Variants in NREP observed in about 807,000 individuals in gnomAD.
The protein encoded by NREP is neuronal regeneration related protein, also known as neuronal regeneration-related protein.
NREP carries 5 observed loss-of-function variants against 8.6 expected under a neutral mutation model. The ratio of observed to expected loss-of-function variants is 0.58; its 90% confidence interval spans 0.30 to 1.22. The LOEUF (loss-of-function observed/expected upper bound fraction) is 1.22, where lower values mean the gene tolerates loss of function less well. Among genes scored for constraint, NREP ranks in the 50% most tolerant of loss-of-function variants. NREP has a pLI of 0.07. For synonymous variants in NREP, 27 were observed against 28.0 expected (o/e 0.96, Z 0.11); for missense variants, 86 against 82.5 (o/e 1.04, Z -0.17).
At chr5:111,893,944 G>A (rs542161638) in intron 2 of NREP, among the ~76,000 whole-genome samples, 20 of 152,088 alleles carry the variant, frequency 1.3e-4, no homozygotes, top group African/African-American at 3.6e-4. Context: ...CAGGCCGGGC[G>A]CAGTGGCTCA....
chr5:111,757,700 A>AGCGGACCCGCAGCTCTGCGCC, upstream of NREP: 1 of 984,256 alleles, frequency 1.0e-6, no homozygotes, highest in Non-Finnish European at 1.2e-6. Context: ...GGGGAGACAA[A>AGCGGACCCGCAGCTCTGCGCC]GCGGACCCGC....
chr5:111,809,277 A>G (rs1318224614), intron 2 of NREP, among the ~76,000 whole-genome samples: 1 of 152,178 alleles, frequency 6.6e-6, no homozygotes. Context: ...CTATGATTCT[A>G]CTTTCAGTCC....
intron 2 of NREP, among the ~76,000 whole-genome samples, chr5:111,869,691 G>C (rs950679036): frequency 2.0e-5 from 3 of 152,142 alleles, no homozygotes; most frequent in Non-Finnish European, 4.4e-5. Flanking sequence ...CAATGGATTT[G>C]CTTGGAAGGG....
chr5:111,784,997 C>A (rs540194749), intron 2 of NREP, among the ~76,000 whole-genome samples: 2 of 152,194 alleles, frequency 1.3e-5, no homozygotes, highest in Non-Finnish European at 2.9e-5. Context: ...GTGGTGCCAT[C>A]CTTAGGCCTG....
At chr5:111,816,248 A>G (rs775726465) in intron 2 of NREP, among the ~76,000 whole-genome samples, 4 of 152,204 alleles carry the variant, frequency 2.6e-5, no homozygotes, top group Admixed American at 1.3e-4. Context: ...CCCGCCTAGA[A>G]AGAAATACCA....
upstream of NREP, among the ~76,000 whole-genome samples, chr5:111,761,621 G>T (rs1009159291): frequency 6.6e-6 from 1 of 152,176 alleles, no homozygotes; most frequent in African/African-American, 2.4e-5. Context: ...TGAAGGAACA[G>T]ATCGCAGGAT....
chr5:111,890,103 G>A (rs1039742670), intron 2 of NREP, among the ~76,000 whole-genome samples: 1 of 152,138 alleles, frequency 6.6e-6, no homozygotes, highest in Non-Finnish European at 1.5e-5. Context: ...TCAGAGACCC[G>A]ACAGGTACAA....
chr5:111,872,139 G>A (rs1753805767), intron 2 of NREP, among the ~76,000 whole-genome samples: 1 of 152,046 alleles, frequency 6.6e-6, no homozygotes, highest in Admixed American at 6.6e-5. Context: ...GGGGCTGCAA[G>A]TCTCAAGATC....
At chr5:111,849,804 T>C in intron 2 of NREP, among the ~76,000 whole-genome samples, 1 of 152,224 alleles carries the variant, frequency 6.6e-6, no homozygotes, top group Non-Finnish European at 1.5e-5. Flanking sequence ...TCTAAACTGA[T>C]ATGATACATA....
intron 2 of NREP, among the ~76,000 whole-genome samples, chr5:111,876,879 GC>G (rs1753922995): frequency 6.6e-6 from 1 of 152,100 alleles, no homozygotes; most frequent in African/African-American, 2.4e-5. Context: ...AGAAATTGGG[GC>G]ACAGAAAAGT....
chr5:111,780,033 G>A (rs544337593), intron 2 of NREP, among the ~76,000 whole-genome samples: 4 of 152,316 alleles, frequency 2.6e-5, no homozygotes, highest in East Asian at 3.9e-4. Flanking sequence ...TCCAATGCAC[G>A]CTAGTGCAAT....
chr5:111,852,577 T>G (rs1753336912), intron 2 of NREP, among the ~76,000 whole-genome samples: 1 of 152,068 alleles, frequency 6.6e-6, no homozygotes, highest in South Asian at 2.1e-4. Flanking sequence ...GCTATTGAGG[T>G]TGTATTTAAA....
chr5:111,856,769 G>T (rs1297548560), intron 2 of NREP, among the ~76,000 whole-genome samples: 1 of 150,736 alleles, frequency 6.6e-6, no homozygotes, highest in East Asian at 2.0e-4. Flanking sequence ...CGACTGGTTT[G>T]ATGACTTGCT....
At chr5:111,917,087 C>A (rs1037344269) in intron 2 of NREP, among the ~76,000 whole-genome samples, 1 of 152,092 alleles carries the variant, frequency 6.6e-6, no homozygotes, top group Non-Finnish European at 1.5e-5. Flanking sequence ...TCCCTTTTCC[C>A]ATGATTCTTT....
Position 111,729,676 on chromosome 5 carries a change from T to G in NREP, c.*1245A>C, listed in dbSNP as rs2112767769. Reference sequence around the variant, plus strand: ...AGAGCTAAAGACAGTTATATAAAAATTAAGGTGGGCTTTCAGACTGGCTAA... The same window carrying G: ...AGAGCTAAAGACAGTTATATAAAAAGTAAGGTGGGCTTTCAGACTGGCTAA... On this transcript the variant is annotated 3_prime_UTR_variant, in exon 4 of 4. Transcript: ENST00000257435. 2.0e-5 allele frequency: 3 copies of G among 152,720 alleles called. 1 individual carries two copies. The highest frequency in any genetic ancestry group is 2.0e-4 in the Admixed American group (3 of 15,300). The allele number at this position is 152,720 out of a possible 1,614,324, so 9.5% of individuals were successfully genotyped here.
At chr5:111,898,222 A>C (rs1335090116) in intron 2 of NREP, among the ~76,000 whole-genome samples, 1 of 152,208 alleles carries the variant, frequency 6.6e-6, no homozygotes, top group African/African-American at 2.4e-5. Flanking sequence ...AAAGTGTAGA[A>C]GCAGGAAAAT....
At chr5:111,882,622 A>T (rs1184528590) in intron 2 of NREP, among the ~76,000 whole-genome samples, 1 of 152,254 alleles carries the variant, frequency 6.6e-6, no homozygotes, top group Admixed American at 6.5e-5. Context: ...TCAGACTAAC[A>T]GCTGATCTCT....
intron 2 of NREP, among the ~76,000 whole-genome samples, chr5:111,899,919 T>A (rs748129262): frequency 1.3e-5 from 2 of 151,974 alleles, no homozygotes; most frequent in Non-Finnish European, 2.9e-5. Context: ...ATTCAGAAAA[T>A]CAACAAAGAA....
At chr5:111,921,971 C>A (rs1755252173) in intron 2 of NREP, among the ~76,000 whole-genome samples, 1 of 152,136 alleles carries the variant, frequency 6.6e-6, no homozygotes, top group African/African-American at 2.4e-5. Flanking sequence ...GATTCTGAGG[C>A]CTCACCAGCC....
Sources: gnomAD v4.1 joint callset for allele counts (sites outside exome capture counted in the v4.1 genomes callset) on GRCh38, gnomAD v4.1.1 for gene constraint, MANE v1.5 for transcripts, NCBI Gene and HGNC (gene_info 2026-07-23, HGNC 2026-07-21) for gene names.